Variants in SGCD observed in about 807,000 individuals in gnomAD.
SGCD encodes sarcoglycan delta, also known as delta-sarcoglycan.
SGCD carries 18 observed loss-of-function variants against 36.6 expected under a neutral mutation model. The ratio of observed to expected loss-of-function variants is 0.49; its 90% CI spans 0.34 to 0.73. SGCD has a LOEUF of 0.73. Among genes scored for constraint, SGCD ranks in the 30% least tolerant of loss-of-function variants. The probability of loss-of-function intolerance (pLI) is 0.01; values close to 1 mark genes in which losing one functional copy is unlikely to be tolerated. For synonymous variants in SGCD, 133 were observed against 130.6 expected (o/e 1.02, Z -0.12); for missense variants, 387 against 346.7 (o/e 1.12, Z -0.92).
intron 6 of SGCD, among the ~76,000 whole-genome samples, chr5:156,611,529 T>A (rs943207297): frequency 2.0e-5 from 3 of 152,020 alleles, no homozygotes; most frequent in Non-Finnish European, 4.4e-5. Flanking sequence ...TTCTTAAAGC[T>A]TTTAGAATTC....
intron 6 of SGCD, among the ~76,000 whole-genome samples, chr5:156,607,154 C>G (rs1203003851): frequency 6.6e-6 from 1 of 152,134 alleles, no homozygotes; most frequent in Admixed American, 6.5e-5. Context: ...CCAGTTTTTG[C>G]CCATTCAGTA....
rs966597338 is a variant in SGCD at position 156,051,078 on chromosome 5, G to A, written c.-281-66800G>A. ...TTTACTAGAAACTAATATTATAGCT[G>A]AAATAAACACTAAGCATTTCATTTT... On this transcript the variant is annotated intron_variant, in intron 1 of 9. Transcript: ENST00000517913. Among the ~76,000 whole-genome samples, 24 of 146,306 alleles carry A rather than the reference G, an allele frequency of 1.6e-4. 3 individuals carry two copies. The highest frequency in any genetic ancestry group is 4.8e-4 in the Admixed American group (7 of 14,644).
rs180695304 is a variant in SGCD at position 156,015,739 on chromosome 5, A to T, written c.-281-102139A>T. Among the ~76,000 whole-genome samples the T allele has an allele frequency of 3.5e-3, 527 of 151,348 alleles. 2 individuals carry two copies. Among genetic ancestry groups the T allele is most frequent in the African/African-American group, 6.1e-3 (251 of 41,356 alleles). On this transcript the variant is annotated intron_variant, in intron 1 of 9. Transcript: ENST00000517913. ...CGTGTATAATATGTATATATGATGT[A>T]TGATATTCATATATCATTCATTCTT...
At chr5:156,346,492 G>T (rs1170646405) in intron 3 of SGCD, among the ~76,000 whole-genome samples, 1 of 152,086 alleles carries the variant, frequency 6.6e-6, no homozygotes, top group Non-Finnish European at 1.5e-5. Context: ...AGAGATGGGT[G>T]TCTCACTGTG....
chr5:155,884,108 C>T (rs1755950640), intron 1 of SGCD, among the ~76,000 whole-genome samples: 1 of 152,106 alleles, frequency 6.6e-6, no homozygotes, highest in South Asian at 2.1e-4. Context: ...TTGCTGTGAG[C>T]CATTCTGTAT....
chr5:155,807,078 A>G, the SGCD span, among the ~76,000 whole-genome samples: 1 of 152,176 alleles, frequency 6.6e-6, no homozygotes, highest in Admixed American at 6.5e-5. Flanking sequence ...CTTCTTGCTT[A>G]TTTTAAGTGT....
chr5:155,967,979 A>T (rs974049021), intron 1 of SGCD, among the ~76,000 whole-genome samples: 1 of 152,118 alleles, frequency 6.6e-6, no homozygotes. Flanking sequence ...TTCCCTTTCA[A>T]GAAGAAATGT....
At chr5:155,928,390 G>A (rs78131374) in intron 1 of SGCD, among the ~76,000 whole-genome samples, 8,570 of 152,110 alleles carry the variant, frequency 0.056, 401 homozygotes, top group African/African-American at 0.13. Context: ...AAAACAGGCC[G>A]AGCATGGTGC....
chr5:156,257,586 G>C (rs1017325515), intron 3 of SGCD, among the ~76,000 whole-genome samples: 1 of 151,592 alleles, frequency 6.6e-6, no homozygotes, highest in Admixed American at 6.6e-5. Flanking sequence ...TCCTTGGGTC[G>C]GGCGCGGTGG....
At chr5:156,090,230 C>G (rs1269261892) in intron 1 of SGCD, among the ~76,000 whole-genome samples, 2 of 152,184 alleles carry the variant, frequency 1.3e-5, no homozygotes, top group Non-Finnish European at 2.9e-5. Flanking sequence ...GGAGCTCTCT[C>G]TTTTTCCAGA....
intron 1 of SGCD, among the ~76,000 whole-genome samples, chr5:155,993,333 G>T (rs1266528201): frequency 6.8e-6 from 1 of 146,872 alleles, no homozygotes; most frequent in Non-Finnish European, 1.5e-5. Context: ...ACAAATCTGG[G>T]GTCCTTTTTT....
chr5:155,948,262 G>T (rs527337639), intron 1 of SGCD, among the ~76,000 whole-genome samples: 1 of 152,232 alleles, frequency 6.6e-6, no homozygotes, highest in South Asian at 2.1e-4. Flanking sequence ...GGGCGACAGG[G>T]TGACATTCTG....
At chr5:155,728,318 C>CA in the SGCD span, among the ~76,000 whole-genome samples, 4 of 151,826 alleles carry the variant, frequency 2.6e-5, no homozygotes, top group Admixed American at 6.5e-5. Flanking sequence ...ACCCAAGCCC[C>CA]AGCTGGAGCC....
chr5:156,170,944 A>G (rs1325221474), intron 3 of SGCD, among the ~76,000 whole-genome samples: 1 of 152,240 alleles, frequency 6.6e-6, no homozygotes, highest in Non-Finnish European at 1.5e-5. Context: ...ATGTTGCCAG[A>G]CACCATTCAC....
the SGCD span, among the ~76,000 whole-genome samples, chr5:155,809,389 C>T: frequency 6.6e-5 from 10 of 152,156 alleles, no homozygotes; most frequent in Admixed American, 6.5e-4. Flanking sequence ...CAAGAGATGA[C>T]CAACGTTGTG....
intron 3 of SGCD, among the ~76,000 whole-genome samples, chr5:156,407,413 G>A (rs569188636): frequency 2.9e-4 from 44 of 152,298 alleles, no homozygotes; most frequent in Non-Finnish European, 5.9e-4. Context: ...CTTTCCTGTT[G>A]CTGTTGAAAT....
intron 3 of SGCD, among the ~76,000 whole-genome samples, chr5:156,355,849 C>A (rs1561641511): frequency 6.6e-6 from 1 of 152,198 alleles, no homozygotes; most frequent in Non-Finnish European, 1.5e-5. Flanking sequence ...GCTGGCCAGG[C>A]TGGTCTTGAA....
intron 1 of SGCD, among the ~76,000 whole-genome samples, chr5:155,916,771 T>C (rs575899597): frequency 1.6e-4 from 24 of 152,330 alleles, no homozygotes; most frequent in African/African-American, 5.8e-4. Context: ...CAGTAACAAT[T>C]ATGGGACATT....
intron 3 of SGCD, among the ~76,000 whole-genome samples, chr5:156,500,788 A>T (rs1756414233): frequency 6.6e-6 from 1 of 152,224 alleles, no homozygotes; most frequent in Non-Finnish European, 1.5e-5. Context: ...CCTGGAACAG[A>T]TCAGAAATGC....
Sources: allele counts gnomAD v4.1 joint callset (sites outside exome capture counted in the v4.1 genomes callset), GRCh38; gene constraint gnomAD v4.1.1; transcripts MANE v1.5; gene names NCBI Gene and HGNC (gene_info 2026-07-23, HGNC 2026-07-21).